The following DUS3L variants were observed in gnomAD, a reference collection of about 807,000 sequenced individuals.
DUS3L encodes the protein tRNA-dihydrouridine(47) synthase [NAD(P)(+)]-like.
Under a neutral mutation model 74.6 loss-of-function variants are expected in DUS3L, and 62 were observed. That is an observed-to-expected ratio of 0.83 (90% CI 0.68 to 1.03). DUS3L has a LOEUF of 1.03. Among genes scored for constraint, DUS3L ranks in the 50% least tolerant of loss-of-function variants. The probability of loss-of-function intolerance (pLI) is 0.00; values close to 1 mark genes in which losing one functional copy is unlikely to be tolerated. For missense variants in DUS3L, 884 were observed against 924.4 expected (o/e 0.96, Z 0.57); for synonymous variants, 433 against 395.7 (o/e 1.09, Z -1.12).
At chr19:5,786,590 C>T (rs369209617) in intron 9 of DUS3L, 48 bp from the exon 10 acceptor site, 1 of 1,600,000 alleles carries the variant, frequency 6.3e-7, no homozygotes, top group African/African-American at 1.3e-5. Flanking sequence ...GCAGGTGGGA[C>T]CCTGGAGTTC....
At chr19:5,785,940 A>C in intron 10 of DUS3L, 149 bp from the exon 11 acceptor site, 10 of 795,992 alleles carry the variant, frequency 1.3e-5, no homozygotes, top group South Asian at 2.0e-5. Context: ...ACAACCTTCA[A>C]AGCACAGGAC....
chr19:5,786,434 G>A (rs1445637360), intron 10 of DUS3L, 33 bp downstream of exon 10: 1 of 1,606,044 alleles, frequency 6.2e-7, no homozygotes, highest in Non-Finnish European at 8.5e-7. Flanking sequence ...TGCTGTGCAT[G>A]AAGCTGGATC....
In DUS3L at chr19:5,788,189, C is replaced by G; in HGVS notation, c.943-13G>C. On this transcript the variant is annotated splice_polypyrimidine_tract_variant and intron_variant, in intron 4 of 12. Coordinates refer to ENST00000309061, the MANE Select transcript of DUS3L (RefSeq NM_020175.3). Reference sequence around the variant, plus strand: ...GCAGGTTCCCACACTGCGGGGGGAGCAGGACAGACACACATGCTCTTGCAC... The same window carrying G: ...GCAGGTTCCCACACTGCGGGGGGAGGAGGACAGACACACATGCTCTTGCAC... The G allele has an allele frequency of 1.2e-6, 2 of 1,613,158 alleles. No individual in the cohort carries two copies. The highest frequency in any genetic ancestry group is 1.3e-5 in the African/African-American group (1 of 75,018).
intron 3 of DUS3L, 52 bp downstream of exon 3, chr19:5,789,155 A>T (rs374360759): frequency 7.9e-4 from 1,187 of 1,495,812 alleles, no homozygotes; most frequent in Non-Finnish European, 9.9e-4. Flanking sequence ...GGTATTTAAT[A>T]GACGCACACC....
chr19:5,788,019 C>A lies in DUS3L; in HGVS notation c.1095+5G>T. 1 of 1,612,500 alleles carries A rather than the reference C, an allele frequency of 6.2e-7. No individual in the cohort carries two copies. On this transcript the variant is annotated splice_donor_5th_base_variant and intron_variant, in intron 5 of 12. Transcript: ENST00000309061. ...CACTCTCCCTCCCTCGGGGTGGGCACTGACCTGGACGCCAAAGATGTCCTC... is the reference window on the plus strand; with the variant it reads ...CACTCTCCCTCCCTCGGGGTGGGCAATGACCTGGACGCCAAAGATGTCCTC...
rs1243395439 is a variant in DUS3L at position 5,787,075 on chromosome 19, C to T, written c.1375G>A (p.Val459Met). The change falls in exon 8 of 13, where the codon GTG (valine) becomes ATG (methionine). Residue 459 changes from valine to methionine, a missense_variant. Transcript: ENST00000309061. Reference sequence around the variant, plus strand: ...CCAAGACCCACCGTGACGAGTGCCACGCCCCAGTCCCGCAGCTCGGGCAGC... The same window carrying T: ...CCAAGACCCACCGTGACGAGTGCCATGCCCCAGTCCCGCAGCTCGGGCAGC... ...RLLPELRDWG[V>M]ALVTLHGRSR... 8.4e-6 allele frequency: 13 copies of T among 1,541,748 alleles called. No individual in the cohort carries two copies. Among genetic ancestry groups the T allele is most frequent in the East Asian group, 2.4e-5 (1 of 41,436 alleles).
chr19:5,789,539 T>C lies in DUS3L; in HGVS notation c.568A>G (p.Asn190Asp). The C allele has an allele frequency of 6.2e-7, 1 of 1,603,140 alleles. No homozygotes were observed. Among genetic ancestry groups the C allele is most frequent in the Non-Finnish European group, 8.5e-7 (1 of 1,176,650 alleles). Residue 190 changes from asparagine (N) to aspartate (D), a missense_variant, in exon 3 of 13, where the codon AAC becomes GAC. Coordinates refer to ENST00000309061, the MANE Select transcript of DUS3L (RefSeq NM_020175.3). ...GCCGCCAACTCCTCCTGCACCAGGT[T>C]CTGTCCCTCGGGCCTCAGGTGGGCC... ...AGAHLRPEGQ[N>D]LVQEELAARG...
intron 3 of DUS3L, among the ~76,000 whole-genome samples, chr19:5,788,776 G>A (rs2056880075): frequency 6.8e-6 from 1 of 147,580 alleles, no homozygotes; most frequent in Non-Finnish European, 1.5e-5. Context: ...GCACAATCTT[G>A]GCTCACTGCA....
chr19:5,788,128 C>T lies in DUS3L; in HGVS notation c.991G>A (p.Val331Met), dbSNP rs754119586. The change falls in exon 5 of 13, where the codon GTG becomes ATG. Residue 331 changes from valine to methionine, a missense_variant. Coordinates refer to ENST00000309061, the MANE Select transcript of DUS3L (RefSeq NM_020175.3). ...RRICKRFGAD[V>M]TCGEMAVCTN... ...CAGACGGCCATCTCTCCACATGTCACATCCGCCCCGAAGCGCTTGCAGATC... is the reference window on the plus strand; with the variant it reads ...CAGACGGCCATCTCTCCACATGTCATATCCGCCCCGAAGCGCTTGCAGATC... The T allele has an allele frequency of 3.1e-6, 5 of 1,613,600 alleles. No homozygotes were observed. In the Admixed American group the frequency reaches 8.3e-5, roughly 27 times the overall value.
chr19:5,788,869 G>T (rs954729881), intron 3 of DUS3L, among the ~76,000 whole-genome samples: 1 of 152,128 alleles, frequency 6.6e-6, no homozygotes, highest in Admixed American at 6.5e-5. Flanking sequence ...ACCAGGCCCG[G>T]CTAATTTTTG....
rs575694078 is a variant in DUS3L at position 5,785,363 on chromosome 19, A to G, written c.1880+20T>C. ...CCGGGCCCCCGACTGCAGCTCCCCAACTCCAGCCCACCCAGGCACCTGATG... is the reference window on the plus strand; with the variant it reads ...CCGGGCCCCCGACTGCAGCTCCCCAGCTCCAGCCCACCCAGGCACCTGATG... On this transcript the variant is annotated intron_variant, in intron 12 of 12. Transcript: ENST00000309061. The G allele has an allele frequency of 1.7e-5, 27 of 1,602,192 alleles. No homozygotes were observed. The Admixed American group carries it at 3.0e-4, about 18-fold the overall frequency.
Position 5,791,114 on chromosome 19 carries a change from G to A in DUS3L, c.28C>T (p.Leu10=), listed in dbSNP as rs776542494. MAEGTAEAP[L]ENGGGGDSGA... ...GAGTCGCCACCACCACCATTCTCTA[G>A]AGGAGCCTCCGCCGTTCCCTCCGCC... Residue 10 remains leucine (L), a synonymous_variant, in exon 1 of 13, where the codon CTA becomes TTA. Coordinates refer to ENST00000309061, the MANE Select transcript of DUS3L (RefSeq NM_020175.3). The A allele has an allele frequency of 3.3e-5, 53 of 1,608,448 alleles. No homozygotes were observed. The South Asian group carries it at 3.6e-4, about 11-fold the overall frequency.
chr19:5,786,190 C>T (rs141116118), intron 10 of DUS3L, among the ~76,000 whole-genome samples: 68 of 152,240 alleles, frequency 4.5e-4, no homozygotes, highest in African/African-American at 1.4e-3. Flanking sequence ...CTCAAATGAT[C>T]GGCGTGCCTT....
chr19:5,790,351 G>A lies in DUS3L; in HGVS notation c.99-16C>T, dbSNP rs1056754486. ...GGTGAGGTATCTGCCGACAGAAAGG[G>A]AAAGGAAAACCCTCCGAACATAGTC... On this transcript the variant is annotated splice_polypyrimidine_tract_variant and intron_variant, in intron 1 of 12. Transcript: ENST00000309061. 6.8e-6 allele frequency: 11 copies of A among 1,613,544 alleles called. No individual in the cohort carries two copies. In the African/African-American group the frequency reaches 1.1e-4, roughly 16 times the overall value.
In DUS3L at chr19:5,791,083, G is replaced by A. The variant is rs1477131496; in HGVS notation, c.59C>T (p.Ala20Val). 1.2e-6 allele frequency: 2 copies of A among 1,608,362 alleles called. No individual in the cohort carries two copies. Among genetic ancestry groups the A allele is most frequent in the Non-Finnish European group, 1.7e-6 (2 of 1,177,914 alleles). ...CGCCACTCCTCGTTCCAAAGCTCCGGCTCCCGAGTCGCCACCACCACCATT... is the reference window on the plus strand; with the variant it reads ...CGCCACTCCTCGTTCCAAAGCTCCGACTCCCGAGTCGCCACCACCACCATT... ...LENGGGGDSG[A>V]GALERGVAPI... Residue 20 changes from alanine to valine, a missense_variant, in exon 1 of 13, where the codon GCC becomes GTC. Coordinates refer to ENST00000309061, the MANE Select transcript of DUS3L (RefSeq NM_020175.3).
In DUS3L at chr19:5,790,235, G is replaced by C; in HGVS notation, c.199C>G (p.Leu67Val). 2 of 1,614,188 alleles carry C rather than the reference G, an allele frequency of 1.2e-6. No homozygotes were observed. The highest frequency in any genetic ancestry group is 1.7e-6 in the Non-Finnish European group (2 of 1,180,050). The part of the protein sequence containing the change: ...TEVGDPAGNE[L>V]AEPEAKRIRL... Reference sequence around the variant, plus strand: ...ATCCGCTTAGCCTCAGGCTCAGCCAGCTCATTGCCAGCAGGGTCTCCTACC... The same window carrying C: ...ATCCGCTTAGCCTCAGGCTCAGCCACCTCATTGCCAGCAGGGTCTCCTACC... The change falls in exon 2 of 13, where the codon CTG becomes GTG. Residue 67 changes from leucine to valine, a missense_variant. Coordinates refer to ENST00000309061, the MANE Select transcript of DUS3L (RefSeq NM_020175.3).
At position 5,786,097 on chromosome 19, in the gene DUS3L, G is replaced by A. The variant is rs984482914; in HGVS notation, c.1563-306C>T. 11 of 482,702 alleles carry A rather than the reference G, an allele frequency of 2.3e-5. No individual in the cohort carries two copies. The Middle Eastern group carries it at 1.6e-3, about 72-fold the overall frequency. 29.9% of individuals were successfully genotyped at this position (482,702 alleles called of 1,614,324 possible). A position where few individuals can be genotyped will look rare whatever the true frequency, so the allele number is the denominator to read the frequency against. ...CTCCCTAGTAGTTGGGATTACAGGC[G>A]TGTACCACTACACCTGGCTAATTTT... On this transcript the variant is annotated intron_variant, in intron 10 of 12. Coordinates refer to ENST00000309061, the MANE Select transcript of DUS3L (RefSeq NM_020175.3).
Position 5,785,176 on chromosome 19 carries a change from C to G in DUS3L, c.*27G>C. On this transcript the variant is annotated 3_prime_UTR_variant, in exon 13 of 13. Transcript: ENST00000309061. ...TAAAATTTATTGTACTCTCCTCGCC[C>G]CAGGGTGCCCCTGGGAAAGCCTGAG... 6.3e-7 allele frequency: 1 copy of G among 1,587,414 alleles called. No individual in the cohort carries two copies. Among genetic ancestry groups the G allele is most frequent in the Non-Finnish European group, 8.6e-7 (1 of 1,167,170 alleles).
In DUS3L at chr19:5,789,417, C is replaced by CT; in HGVS notation, c.689dup (p.Ala231GlyfsTer42). Reference sequence around the variant, plus strand: ...GGCCCTGGCTGAACCGGCGCAGGGCCTGCTCAGCTCGCTCGAAGCGGACCT... The same window carrying CT: ...GGCCCTGGCTGAACCGGCGCAGGGCCTTGCTCAGCTCGCTCGAAGCGGACCT... On this transcript the variant is annotated frameshift_variant, in exon 3 of 13. Transcript: ENST00000309061. LOFTEE classifies it high-confidence loss of function. 6.3e-7 allele frequency: 1 copy of CT among 1,596,948 alleles called. No homozygotes were observed. The highest frequency in any genetic ancestry group is 2.2e-5 in the East Asian group (1 of 44,460).
Sources: allele counts gnomAD v4.1 joint callset (sites outside exome capture counted in the v4.1 genomes callset), GRCh38; gene constraint gnomAD v4.1.1; transcripts MANE v1.5; gene names NCBI Gene and HGNC (gene_info 2026-07-23, HGNC 2026-07-21).